CELF2: variants seen among roughly 807,000 people sequenced by gnomAD.
CELF2 encodes CUGBP Elav-like family member 2.
In CELF2, 8 loss-of-function variants were observed where a neutral mutation model predicts 62.6. That is an observed-to-expected ratio of 0.13 (90% CI 0.07 to 0.23). CELF2 has a LOEUF of 0.23. Ranked by LOEUF, CELF2 falls within the 10% of genes least tolerant of loss-of-function variation. The pLI, the probability that CELF2 is intolerant of heterozygous loss-of-function variation, is 1.00. For synonymous variants in CELF2, 258 were observed against 250.0 expected (o/e 1.03, Z -0.30); for missense variants, 333 against 671.0 (o/e 0.50, Z 5.56).
At chr10:11,274,970 C>G (rs2085447140) in intron 7 of CELF2, 87 bp from the exon 8 acceptor site, 2 of 1,270,042 alleles carry the variant, frequency 1.6e-6, no homozygotes, top group Non-Finnish European at 2.3e-6. Flanking sequence ...CCTGGAAATG[C>G]AGAGTAAACT....
At chr10:10,721,928 T>C in the CELF2 span, among the ~76,000 whole-genome samples, 1 of 152,250 alleles carries the variant, frequency 6.6e-6, no homozygotes, top group African/African-American at 2.4e-5. Flanking sequence ...TTGAGGGTCA[T>C]GAAACCTATT....
chr10:10,605,537 T>G, the CELF2 span, among the ~76,000 whole-genome samples: 1 of 152,248 alleles, frequency 6.6e-6, no homozygotes, highest in Admixed American at 6.5e-5. Flanking sequence ...ACGATTACTC[T>G]TTTGGTTGAC....
intron 1 of CELF2, among the ~76,000 whole-genome samples, chr10:10,871,998 A>G (rs2060782470): frequency 6.6e-6 from 1 of 152,222 alleles, no homozygotes; most frequent in Non-Finnish European, 1.5e-5. Flanking sequence ...ATTTCAAAGA[A>G]GCTTATATCT....
At chr10:11,252,439 CTT>C (rs1565563577) in intron 4 of CELF2, among the ~76,000 whole-genome samples, 1 of 152,196 alleles carries the variant, frequency 6.6e-6, no homozygotes. Context: ...ATTTCTAAAA[CTT>C]TGTATGTGCT....
chr10:10,698,337 T>A, the CELF2 span, among the ~76,000 whole-genome samples: 1 of 152,220 alleles, frequency 6.6e-6, no homozygotes, highest in African/African-American at 2.4e-5. Context: ...GCAGGCGAAC[T>A]GACTTTGATC....
chr10:11,142,245 C>T (rs17149629), intron 1 of CELF2, among the ~76,000 whole-genome samples: 9,096 of 152,104 alleles, frequency 0.06, 334 homozygotes, highest in African/African-American at 0.1. Flanking sequence ...AATTCTAGGG[C>T]GCAGAAGTGA....
rs113163217 is a variant in CELF2, at chr10:10,962,215, G to A, written c.89+42216G>A. Reference sequence around the variant, plus strand: ...TCTCTCATTTTCTCATTTCTAACCCGCAGGTGCCATAGCACCACAGCACCA... The same window carrying A: ...TCTCTCATTTTCTCATTTCTAACCCACAGGTGCCATAGCACCACAGCACCA... On this transcript the variant is annotated intron_variant, in intron 2 of 13. Transcript: ENST00000636488. 8.5e-5 allele frequency among the ~76,000 whole-genome samples: 13 copies of A among 152,246 alleles called. 1 individual carries two copies. The highest frequency in any genetic ancestry group is 4.1e-4 in the South Asian group (2 of 4,820).
intron 1 of CELF2, among the ~76,000 whole-genome samples, chr10:11,147,997 A>G (rs893435777): frequency 6.6e-6 from 1 of 152,254 alleles, no homozygotes; most frequent in Non-Finnish European, 1.5e-5. Context: ...TGTGTGAAAT[A>G]GTACATGTAT....
chr10:10,547,966 T>A, the CELF2 span, among the ~76,000 whole-genome samples: 5 of 152,178 alleles, frequency 3.3e-5, no homozygotes, highest in African/African-American at 1.2e-4. Context: ...ATGCCATTCA[T>A]AAAAGGTGCG....
At chr10:11,094,365 C>T (rs2049177470) in intron 1 of CELF2, among the ~76,000 whole-genome samples, 1 of 152,158 alleles carries the variant, frequency 6.6e-6, no homozygotes, top group Non-Finnish European at 1.5e-5. Context: ...GTTCTGGTTA[C>T]TAGGATATGC....
chr10:11,017,958 G>A lies in CELF2; in HGVS notation c.-132G>A, dbSNP rs1464029282. 2 of 987,208 alleles carry A rather than the reference G, an allele frequency of 2.0e-6. No individual in the cohort carries two copies. Among genetic ancestry groups the A allele is most frequent in the Non-Finnish European group, 2.4e-6 (2 of 832,572 alleles). 61.2% of individuals were successfully genotyped at this position (987,208 alleles called of 1,614,324 possible). On this transcript the variant is annotated 5_prime_UTR_variant, in exon 1 of 13. In the 5' UTR this introduces an upstream ATG that the reference lacks. Coordinates refer to ENST00000633077, the MANE Select transcript of CELF2 (RefSeq NM_001326342.2). This position sits in a 1 kb window ranked among gnomAD's most constrained non-coding sequence, Gnocchi z 5.5. Reference sequence around the variant, plus strand: ...GATTGGCGGAGCGCGAGGAGAGAATGTGACAAGTGCCGGCTCGGCGGCCGC... The same window carrying A: ...GATTGGCGGAGCGCGAGGAGAGAATATGACAAGTGCCGGCTCGGCGGCCGC...
At chr10:10,783,942 C>T in the CELF2 span, among the ~76,000 whole-genome samples, 3 of 151,916 alleles carry the variant, frequency 2.0e-5, no homozygotes, top group South Asian at 2.1e-4. Context: ...GAGCCAAGAT[C>T]GTGCCACTGC....
chr10:11,073,514 A>G (rs1311821604), intron 1 of CELF2, among the ~76,000 whole-genome samples: 1 of 152,228 alleles, frequency 6.6e-6, no homozygotes, highest in African/African-American at 2.4e-5. Context: ...GGCTTAATGA[A>G]TTACTGGCTT....
intron 4 of CELF2, among the ~76,000 whole-genome samples, chr10:11,253,932 T>A (rs1488351393): frequency 1.3e-5 from 2 of 152,170 alleles, no homozygotes; most frequent in Non-Finnish European, 2.9e-5. Flanking sequence ...TTTGTTTTGG[T>A]TTTGGTTTTT....
the CELF2 span, among the ~76,000 whole-genome samples, chr10:10,700,128 C>T: frequency 1.3e-5 from 2 of 152,300 alleles, no homozygotes; most frequent in South Asian, 2.1e-4. Context: ...AGAAGTAATG[C>T]AGAAACTCTG....
At chr10:11,141,364 C>A (rs940048457) in intron 1 of CELF2, among the ~76,000 whole-genome samples, 2 of 152,212 alleles carry the variant, frequency 1.3e-5, no homozygotes, top group African/African-American at 4.8e-5. Flanking sequence ...ACCAGGGGGC[C>A]GACCAGTCAG....
At chr10:11,061,506 T>C (rs779320640) in intron 1 of CELF2, among the ~76,000 whole-genome samples, 2 of 152,248 alleles carry the variant, frequency 1.3e-5, no homozygotes, top group African/African-American at 2.4e-5. Flanking sequence ...AGATCATTGA[T>C]GAAGGTGGCA....
chr10:11,234,303 C>T (rs771242035), intron 3 of CELF2, among the ~76,000 whole-genome samples: 1 of 152,162 alleles, frequency 6.6e-6, no homozygotes, highest in Non-Finnish European at 1.5e-5. Flanking sequence ...CACCTCACAC[C>T]ATAGATAGTG....
At chr10:10,727,988 C>A in the CELF2 span, among the ~76,000 whole-genome samples, 2 of 151,964 alleles carry the variant, frequency 1.3e-5, no homozygotes, top group Non-Finnish European at 2.9e-5. Flanking sequence ...AGTGAAGAGT[C>A]GGCTGCATAC....
Sources: gnomAD v4.1 joint callset for allele counts (sites outside exome capture counted in the v4.1 genomes callset) on GRCh38, gnomAD v4.1.1 for gene constraint, Gnocchi (gnomAD v3.1) non-coding constraint, MANE v1.5 for transcripts, NCBI Gene and HGNC (gene_info 2026-07-23, HGNC 2026-07-21) for gene names.